Variants in PLXNA4 observed in about 807,000 individuals in gnomAD.
PLXNA4 encodes the protein plexin A4, also known as plexin-A4.
A neutral mutation model predicts 191.8 loss-of-function variants in PLXNA4; 44 were observed. The observed-to-expected ratio is 0.23, with a 90% CI of 0.18 to 0.29. The LOEUF is 0.29. Among genes scored for constraint, PLXNA4 ranks in the 10% least tolerant of loss-of-function variants. The pLI is 1.00. For synonymous variants in PLXNA4, 1,082 were observed against 1,009.5 expected (o/e 1.07, Z -1.36); for missense variants, 1,800 against 2,488.8 (o/e 0.72, Z 5.89).
intron 1 of PLXNA4, among the ~76,000 whole-genome samples, chr7:132,546,775 T>A (rs1800328300): frequency 6.6e-6 from 1 of 152,204 alleles, no homozygotes; most frequent in African/African-American, 2.4e-5. Flanking sequence ...CCACCCTTGC[T>A]CCTAACACCC....
chr7:132,303,084 C>T (rs1801369372), intron 3 of PLXNA4, among the ~76,000 whole-genome samples: 1 of 151,260 alleles, frequency 6.6e-6, no homozygotes, highest in African/African-American at 2.4e-5. Flanking sequence ...ACCATATTTG[C>T]CAGGCTGGTC....
intron 3 of PLXNA4, among the ~76,000 whole-genome samples, chr7:132,344,663 T>G (rs1022343217): frequency 6.6e-6 from 1 of 152,200 alleles, no homozygotes; most frequent in Non-Finnish European, 1.5e-5. Flanking sequence ...ATTATCTACA[T>G]GCAGGGTTTG....
At chr7:132,363,146 G>A (rs1303825853) in intron 3 of PLXNA4, among the ~76,000 whole-genome samples, 1 of 152,082 alleles carries the variant, frequency 6.6e-6, no homozygotes, top group East Asian at 1.9e-4. Context: ...CACCATGCCT[G>A]GCTAATTTTT....
chr7:132,311,202 G>GTGCACGCGC (rs1554411105), intron 3 of PLXNA4, among the ~76,000 whole-genome samples: 1 of 151,068 alleles, frequency 6.6e-6, no homozygotes, highest in African/African-American at 2.4e-5. Context: ...GTGCGCGTGT[G>GTGCACGCGC]GCCTAAAGGA....
upstream of PLXNA4, among the ~76,000 whole-genome samples, chr7:132,580,791 A>C (rs1194210295): frequency 6.6e-6 from 1 of 152,214 alleles, no homozygotes; most frequent in Non-Finnish European, 1.5e-5. Context: ...TGCTAGAGAG[A>C]CATTTTCTTT....
chr7:132,132,998 C>A, intron 31 of PLXNA4, 51 bp downstream of exon 31: 2 of 1,586,766 alleles, frequency 1.3e-6, no homozygotes, highest in South Asian at 2.3e-5. Context: ...GGGTTGTCTT[C>A]ATTCTCTTCC....
chr7:132,456,155 C>A (rs1563109594), intron 3 of PLXNA4, among the ~76,000 whole-genome samples: 1 of 150,174 alleles, frequency 6.7e-6, no homozygotes, highest in Non-Finnish European at 1.5e-5. Flanking sequence ...CTCTGTCACC[C>A]AGGTTGGAGT....
chr7:132,297,008 A>C (rs746375998), intron 4 of PLXNA4, among the ~76,000 whole-genome samples: 1 of 151,934 alleles, frequency 6.6e-6, no homozygotes, highest in Non-Finnish European at 1.5e-5. Flanking sequence ...GCTCTTGGGG[A>C]GGGCAGAGCT....
At chr7:132,438,963 C>T (rs1008501528) in intron 3 of PLXNA4, among the ~76,000 whole-genome samples, 8 of 152,210 alleles carry the variant, frequency 5.3e-5, no homozygotes, top group Non-Finnish European at 1.2e-4. Flanking sequence ...TGAACTGTCA[C>T]GTCCCTTTTA....
In PLXNA4 at chr7:132,501,338, G is replaced by A. The variant is rs149688344; in HGVS notation, c.1188+6168C>T. ...ACATGGGTGTGCTATGGGTGTGTAC[G>A]CCACTGTGCTCGGGCTCATGACATG... On this transcript the variant is annotated intron_variant, in intron 2 of 31. Transcript: ENST00000321063. Among the ~76,000 whole-genome samples the A allele has an allele frequency of 6.4e-4, 97 of 152,278 alleles. 1 individual carries two copies. In the East Asian group the frequency reaches 0.017, roughly 27 times the overall value.
intron 3 of PLXNA4, among the ~76,000 whole-genome samples, chr7:132,447,307 G>A (rs945526436): frequency 1.3e-5 from 2 of 152,146 alleles, no homozygotes; most frequent in Non-Finnish European, 2.9e-5. Flanking sequence ...CCCATTAACC[G>A]ATTGATGGAT....
chr7:132,255,343 C>G (rs1799396621), intron 4 of PLXNA4, among the ~76,000 whole-genome samples: 1 of 152,162 alleles, frequency 6.6e-6, no homozygotes, highest in Admixed American at 6.5e-5. Context: ...TCTCAAGCCT[C>G]TGAAAGCTAT....
intron 3 of PLXNA4, among the ~76,000 whole-genome samples, chr7:132,415,257 C>T (rs1056736021): frequency 2.0e-5 from 3 of 152,220 alleles, no homozygotes; most frequent in East Asian, 1.9e-4. Flanking sequence ...TGCTCCCCAT[C>T]GCCCAAAGGA....
intron 1 of PLXNA4, among the ~76,000 whole-genome samples, chr7:132,548,979 T>C (rs57910068): frequency 0.042 from 6,321 of 152,228 alleles, 460 homozygotes; most frequent in African/African-American, 0.14. Context: ...AGTTTACAAA[T>C]GCCATGGCAA....
rs537502297 is a variant in PLXNA4 at position 132,123,915 on chromosome 7, C to T, written c.*6564G>A. The T allele has an allele frequency of 6.6e-6, 1 of 152,418 alleles. No individual in the cohort carries two copies. Among genetic ancestry groups the T allele is most frequent in the Admixed American group, 6.5e-5 (1 of 15,306 alleles). 9.4% of individuals were successfully genotyped at this position (152,418 alleles called of 1,614,324 possible). A position where few individuals can be genotyped will look rare whatever the true frequency, so the allele number is the denominator to read the frequency against. ...GGCCAAAACCCCTGCATCATCCCCA[C>T]ACGTCGGCTCGCTGAGCCATTGTCT... On this transcript the variant is annotated 3_prime_UTR_variant, in exon 32 of 32. Coordinates refer to ENST00000321063, the MANE Select transcript of PLXNA4 (RefSeq NM_020911.2).
intron 2 of PLXNA4, among the ~76,000 whole-genome samples, chr7:132,586,400 G>T (rs898043093): frequency 1.3e-5 from 2 of 152,168 alleles, no homozygotes; most frequent in Non-Finnish European, 2.9e-5. Context: ...TTGTCTTGAG[G>T]TATCATTCTA....
intron 2 of PLXNA4, among the ~76,000 whole-genome samples, chr7:132,592,752 C>T (rs1301044282): frequency 6.6e-6 from 1 of 151,896 alleles, no homozygotes; most frequent in East Asian, 1.9e-4. Flanking sequence ...AATGGAATTA[C>T]ACATTGTGAC....
chr7:132,626,972 G>A (rs1803389225), intron 2 of PLXNA4, among the ~76,000 whole-genome samples: 2 of 152,174 alleles, frequency 1.3e-5, no homozygotes, highest in Admixed American at 1.3e-4. Context: ...CCTGCATGCT[G>A]GAATCCAATC....
At chr7:132,255,636 T>G (rs1799405956) in intron 4 of PLXNA4, among the ~76,000 whole-genome samples, 1 of 152,222 alleles carries the variant, frequency 6.6e-6, no homozygotes, top group African/African-American at 2.4e-5. Flanking sequence ...GAACTTGTGA[T>G]GGGATCTCAC....
Sources: gnomAD v4.1 joint callset for allele counts (sites outside exome capture counted in the v4.1 genomes callset) on GRCh38, gnomAD v4.1.1 for gene constraint, MANE v1.5 for transcripts, NCBI Gene and HGNC (gene_info 2026-07-23, HGNC 2026-07-21) for gene names.